PIEZO2: variants seen among roughly 807,000 people sequenced by gnomAD.
PIEZO2 encodes the protein piezo type mechanosensitive ion channel component 2, also known as piezo-type mechanosensitive ion channel component 2.
PIEZO2 carries 172 observed loss-of-function variants against 337.3 expected under a neutral mutation model. The observed-to-expected ratio is 0.51, with a 90% confidence interval of 0.45 to 0.58. The LOEUF (loss-of-function observed/expected upper bound fraction) is 0.58. Among genes scored for constraint, PIEZO2 ranks in the 20% least tolerant of loss-of-function variants. The pLI, the probability that PIEZO2 is intolerant of heterozygous loss-of-function variation, is 0.00. For synonymous variants in PIEZO2, 1,251 were observed against 1,228.5 expected (o/e 1.02, Z -0.38); for missense variants, 3,028 against 3,391.3 (o/e 0.89, Z 2.66).
rs988381210 is a variant in PIEZO2, at chr18:10,716,823, G to A, written c.5090-1007C>T. Among the ~76,000 whole-genome samples the A allele has an allele frequency of 7.2e-5, 11 of 152,102 alleles. No homozygotes were observed. Among genetic ancestry groups the A allele is most frequent in the South Asian group, 2.1e-4 (1 of 4,822 alleles). The stretch of plus-strand genomic sequence containing the variant: ...AACTTTAGGAGCTCCTTATATTTTC[G>A]ACATGTATTTTCTCATACCCACAAT... On this transcript the variant is annotated intron_variant, in intron 37 of 55. Coordinates refer to ENST00000674853, the MANE Select transcript of PIEZO2 (RefSeq NM_001378183.1). This position sits in a 1 kb window ranked among gnomAD's most constrained non-coding sequence, Gnocchi z 4.1.
chr18:11,058,818 T>G (rs1260797779), intron 2 of PIEZO2, among the ~76,000 whole-genome samples: 1 of 152,292 alleles, frequency 6.6e-6, no homozygotes, highest in Admixed American at 6.5e-5. Context: ...TGGAACCAAG[T>G]TGGAAAACAC....
chr18:10,931,729 A>T (rs1179636910), intron 3 of PIEZO2, among the ~76,000 whole-genome samples: 2 of 151,736 alleles, frequency 1.3e-5, no homozygotes, highest in South Asian at 2.1e-4. Context: ...AGAGAGAGAG[A>T]GAGAGAGAGA....
At chr18:11,017,435 A>G (rs1340375576) in intron 2 of PIEZO2, among the ~76,000 whole-genome samples, 1 of 151,156 alleles carries the variant, frequency 6.6e-6, no homozygotes, top group African/African-American at 2.4e-5. Context: ...AATAAACACA[A>G]TCTTTATGAA....
chr18:10,775,183 CAT>C lies in PIEZO2; in HGVS notation c.2535-1147_2535-1146del, dbSNP rs1226181079. ...ACATTGGTGGAAGGAGTTAGGCTGA[CAT>C]ACTACTTCCTTATTTTCCTAAGCTA... On this transcript the variant is annotated intron_variant, in intron 18 of 55. Transcript: ENST00000674853. The surrounding 1 kb of genome is among the most constrained non-coding windows in gnomAD (Gnocchi z 4.3). Among the ~76,000 whole-genome samples the C allele has an allele frequency of 6.6e-6, 1 of 152,332 alleles. No individual in the cohort carries two copies. Among genetic ancestry groups the C allele is most frequent in the Admixed American group, 6.5e-5 (1 of 15,300 alleles).
Position 10,813,548 on chromosome 18 carries a change from G to A in PIEZO2, c.918-6274C>T, listed in dbSNP as rs1003290636. 3.3e-5 allele frequency among the ~76,000 whole-genome samples: 5 copies of A among 152,024 alleles called. No individual in the cohort carries two copies. Among genetic ancestry groups the A allele is most frequent in the Non-Finnish European group, 7.4e-5 (5 of 68,008 alleles). On this transcript the variant is annotated intron_variant, in intron 7 of 55. Coordinates refer to ENST00000674853, the MANE Select transcript of PIEZO2 (RefSeq NM_001378183.1). This position sits in a 1 kb window ranked among gnomAD's most constrained non-coding sequence, Gnocchi z 4.2. ...ATTTTACGTAGCATGATGGCCTCAAGGTTCATTCATGTTGTAGCATGTGTC... is the reference window on the plus strand; with the variant it reads ...ATTTTACGTAGCATGATGGCCTCAAAGTTCATTCATGTTGTAGCATGTGTC...
At chr18:11,040,041 T>C (rs2037062927) in intron 2 of PIEZO2, among the ~76,000 whole-genome samples, 2 of 151,888 alleles carry the variant, frequency 1.3e-5, no homozygotes, top group South Asian at 2.1e-4. Context: ...ACAGATGACA[T>C]GAACCTGCTT....
chr18:11,050,737 C>CT (rs1213881684), intron 2 of PIEZO2, among the ~76,000 whole-genome samples: 4 of 151,618 alleles, frequency 2.6e-5, no homozygotes, highest in African/African-American at 9.7e-5. Context: ...AAGCCCCTCC[C>CT]TTCCTACCCC....
chr18:10,947,638 G>A (rs985410638), intron 3 of PIEZO2, among the ~76,000 whole-genome samples: 1 of 151,700 alleles, frequency 6.6e-6, no homozygotes, highest in African/African-American at 2.4e-5. Flanking sequence ...GATGCCGAAT[G>A]AAACTGTGGG....
rs1194463379 is a variant in PIEZO2, at chr18:10,895,577, C to A, written c.329+15609G>T. Among the ~76,000 whole-genome samples, 1 of 152,152 alleles carries A rather than the reference C, an allele frequency of 6.6e-6. No homozygotes were observed. The highest frequency in any genetic ancestry group is 2.1e-4 in the South Asian group (1 of 4,830). Reference sequence around the variant, plus strand: ...GGTGCCGTTTGTTGGGGTACCTGTGCAGCAGTAGCAGTGCCGTGTGGGGTT... The same window carrying A: ...GGTGCCGTTTGTTGGGGTACCTGTGAAGCAGTAGCAGTGCCGTGTGGGGTT... On this transcript the variant is annotated intron_variant, in intron 4 of 55. Transcript: ENST00000674853. This position sits in a 1 kb window ranked among gnomAD's most constrained non-coding sequence, Gnocchi z 4.8.
chr18:10,759,966 T>A lies in PIEZO2; in HGVS notation c.3451-57A>T. Reference sequence around the variant, plus strand: ...AAATCAGGCATATGGGAAAGGGGACTGGTGATAGGTGTCAGGTCTGTGTAG... The same window carrying A: ...AAATCAGGCATATGGGAAAGGGGACAGGTGATAGGTGTCAGGTCTGTGTAG... On this transcript the variant is annotated intron_variant, in intron 24 of 55. Transcript: ENST00000674853. This position sits in a 1 kb window ranked among gnomAD's most constrained non-coding sequence, Gnocchi z 5.5. 2 of 1,374,232 alleles carry A rather than the reference T, an allele frequency of 1.5e-6. No individual in the cohort carries two copies. The highest frequency in any genetic ancestry group is 2.0e-6 in the Non-Finnish European group (2 of 1,001,188). The allele number at this position is 1,374,232 out of a possible 1,614,324, so 85.1% of individuals were successfully genotyped here.
chr18:11,032,442 C>A lies in PIEZO2; in HGVS notation c.160+33685G>T, dbSNP rs1215314355. ...ACGATTTACTGAATTTCAGCTCTTG[C>A]TCTATTAGAATACGGAGCTATTCTT... is the stretch of plus-strand genomic sequence containing the variant. On this transcript the variant is annotated intron_variant, in intron 2 of 55. Transcript: ENST00000674853. The surrounding 1 kb of genome is among the most constrained non-coding windows in gnomAD (Gnocchi z 4.9). 6.6e-6 allele frequency among the ~76,000 whole-genome samples: 1 copy of A among 152,176 alleles called. No homozygotes were observed. Among genetic ancestry groups the A allele is most frequent in the Non-Finnish European group, 1.5e-5 (1 of 68,032 alleles).
chr18:11,093,735 C>T (rs1457089569), intron 1 of PIEZO2, among the ~76,000 whole-genome samples: 2 of 151,870 alleles, frequency 1.3e-5, no homozygotes, highest in South Asian at 2.1e-4. Flanking sequence ...TACAGGCGCC[C>T]ACCACCATCA....
intron 2 of PIEZO2, among the ~76,000 whole-genome samples, chr18:10,983,988 T>C (rs1160417784): frequency 2.6e-5 from 4 of 152,148 alleles, no homozygotes; most frequent in Non-Finnish European, 4.4e-5. Flanking sequence ...ATAAGAAGAA[T>C]GGAGCAGGTG....
intron 7 of PIEZO2, among the ~76,000 whole-genome samples, chr18:10,827,211 A>T (rs186105847): frequency 7.2e-5 from 11 of 152,168 alleles, no homozygotes; most frequent in Admixed American, 6.5e-4. Context: ...TATGCTCTTT[A>T]TTTTTTTCTG....
At chr18:10,984,718 C>T (rs2034801769) in intron 2 of PIEZO2, among the ~76,000 whole-genome samples, 1 of 151,990 alleles carries the variant, frequency 6.6e-6, no homozygotes, top group Non-Finnish European at 1.5e-5. Flanking sequence ...TAGAGTGAAA[C>T]AAACATACAG....
In PIEZO2 at chr18:10,819,989, T is replaced by C. The variant is rs2040475869; in HGVS notation, c.918-12715A>G. On this transcript the variant is annotated intron_variant, in intron 7 of 55. Coordinates refer to ENST00000674853, the MANE Select transcript of PIEZO2 (RefSeq NM_001378183.1). The surrounding 1 kb of genome is among the most constrained non-coding windows in gnomAD (Gnocchi z 4.3). Reference sequence around the variant, plus strand: ...TCCCTTTGAGAAGCAACTTTAATAATGTTATCCTATTGCTTTTTGAATGGC... The same window carrying C: ...TCCCTTTGAGAAGCAACTTTAATAACGTTATCCTATTGCTTTTTGAATGGC... 6.6e-6 allele frequency among the ~76,000 whole-genome samples: 1 copy of C among 152,208 alleles called. No homozygotes were observed. The highest frequency in any genetic ancestry group is 2.4e-5 in the African/African-American group (1 of 41,464).
At chr18:11,134,356 G>T (rs1314380099) in intron 1 of PIEZO2, among the ~76,000 whole-genome samples, 1 of 152,102 alleles carries the variant, frequency 6.6e-6, no homozygotes, top group Non-Finnish European at 1.5e-5. Flanking sequence ...TGGCCACTTT[G>T]TTTTTCTAAA....
At chr18:10,711,082 C>T (rs1307696469) in intron 39 of PIEZO2, among the ~76,000 whole-genome samples, 2 of 152,252 alleles carry the variant, frequency 1.3e-5, no homozygotes, top group East Asian at 1.9e-4. Flanking sequence ...AAAAAGCAAT[C>T]GATGAATTTA....
Position 10,824,193 on chromosome 18 carries a change from T to C in PIEZO2, c.918-16919A>G, listed in dbSNP as rs940294354. On this transcript the variant is annotated intron_variant, in intron 7 of 55. Coordinates refer to ENST00000674853, the MANE Select transcript of PIEZO2 (RefSeq NM_001378183.1). The surrounding 1 kb of genome is among the most constrained non-coding windows in gnomAD (Gnocchi z 4.4). The stretch of plus-strand genomic sequence containing the variant: ...ATTGCATAAATAAACCACAGACTAC[T>C]CTAGAAATCTGGGGCTAGGGAATAA... 4.6e-5 allele frequency among the ~76,000 whole-genome samples: 7 copies of C among 152,174 alleles called. No individual in the cohort carries two copies. The highest frequency in any genetic ancestry group is 1.4e-4 in the African/African-American group (6 of 41,438).
Sources: gnomAD v4.1 joint callset for allele counts (sites outside exome capture counted in the v4.1 genomes callset) on GRCh38, gnomAD v4.1.1 for gene constraint, Gnocchi (gnomAD v3.1) non-coding constraint, MANE v1.5 for transcripts, NCBI Gene and HGNC (gene_info 2026-07-23, HGNC 2026-07-21) for gene names.